UNC5D: variants seen among roughly 807,000 people sequenced by gnomAD.
UNC5D encodes unc-5 netrin receptor D.
A neutral mutation model predicts 105.4 loss-of-function variants in UNC5D; 39 were observed. That is an observed-to-expected ratio of 0.37 (90% CI 0.29 to 0.48). The LOEUF (loss-of-function observed/expected upper bound fraction) is 0.48, where lower values mean the gene tolerates loss of function less well. Among genes scored for constraint, UNC5D ranks in the 20% least tolerant of loss-of-function variants. The probability of loss-of-function intolerance (pLI) is 0.98; values close to 1 mark genes in which losing one functional copy is unlikely to be tolerated. For missense variants in UNC5D, 991 were observed against 1,202.4 expected, an observed-to-expected ratio of 0.82 and a Z score of 2.60; for synonymous variants, 452 against 450.4, an observed-to-expected ratio of 1.00 and a Z score of -0.04.
intron 1 of UNC5D, among the ~76,000 whole-genome samples, chr8:35,432,420 A>G (rs932488197): frequency 6.6e-6 from 1 of 152,148 alleles, no homozygotes; most frequent in South Asian, 2.1e-4. Flanking sequence ...CTTGTTTTAC[A>G]AAGTACCTCT....
At chr8:35,750,558 G>T in intron 12 of UNC5D, 24 bp from the exon 13 acceptor site, 1 of 1,607,784 alleles carries the variant, frequency 6.2e-7, no homozygotes, top group South Asian at 1.1e-5. Context: ...CCAAGTGAGA[G>T]AATAAACATA....
intron 4 of UNC5D, among the ~76,000 whole-genome samples, chr8:35,655,924 A>G (rs993805075): frequency 6.6e-6 from 1 of 152,230 alleles, no homozygotes; most frequent in African/African-American, 2.4e-5. Flanking sequence ...TTAGTCATGT[A>G]CTTATATAAA....
intron 7 of UNC5D, among the ~76,000 whole-genome samples, chr8:35,700,662 A>G (rs1218620310): frequency 6.6e-6 from 1 of 152,162 alleles, no homozygotes; most frequent in Non-Finnish European, 1.5e-5. Flanking sequence ...AGCCTGAACA[A>G]AAGCTTTGAG....
intron 4 of UNC5D, among the ~76,000 whole-genome samples, chr8:35,615,271 C>T (rs1820967187): frequency 6.6e-6 from 1 of 152,092 alleles, no homozygotes; most frequent in Non-Finnish European, 1.5e-5. Flanking sequence ...TTCCTCTTTT[C>T]TTTGTGCCTG....
chr8:35,467,572 C>CAAAAAAAAAA, intron 1 of UNC5D, among the ~76,000 whole-genome samples: 1 of 42,538 alleles, frequency 2.4e-5, no homozygotes, highest in Non-Finnish European at 5.5e-5. Flanking sequence ...CTATGACAGG[C>CAAAAAAAAAA]AAAAAAAAAA....
chr8:35,790,381 C>G lies in UNC5D; in HGVS notation c.2680C>G (p.Gln894Glu), dbSNP rs529738451. ...TAGGAATTTATCTTATTTCGCTACACAAAGTAGCCCATCTGCTGTCATTTT... is the reference window on the plus strand; with the variant it reads ...TAGGAATTTATCTTATTTCGCTACAGAAAGTAGCCCATCTGCTGTCATTTT... Reference protein sequence around the residue: ...INRNLSYFATQSSPSAVILNL... With the variant: ...INRNLSYFATESSPSAVILNL... Residue 894 changes from glutamine to glutamate, a missense_variant, in exon 17 of 17, where the codon CAA becomes GAA. Physicochemically the swap from Gln to Glu is conservative, Grantham distance 29 (BLOSUM62 2). Coordinates refer to ENST00000404895, the MANE Select transcript of UNC5D (RefSeq NM_080872.4). The G allele has an allele frequency of 6.2e-7, 1 of 1,613,846 alleles. No homozygotes were observed. Among genetic ancestry groups the G allele is most frequent in the Non-Finnish European group, 8.5e-7 (1 of 1,179,838 alleles).
intron 9 of UNC5D, chr8:35,724,232 GT>G: frequency 2.0e-6 from 3 of 1,529,192 alleles, no homozygotes; most frequent in Non-Finnish European, 2.6e-6. Flanking sequence ...TGACCATTTT[GT>G]TTTATTTTTA....
At chr8:35,399,603 G>T (rs562037698) in intron 1 of UNC5D, among the ~76,000 whole-genome samples, 2 of 152,264 alleles carry the variant, frequency 1.3e-5, no homozygotes, top group African/African-American at 2.4e-5. Context: ...TATGTCAAAA[G>T]TTAGTACACT....
rs192874605 is a variant in UNC5D at position 35,680,316 on chromosome 8, G to A, written c.571-3231G>A. On this transcript the variant is annotated intron_variant, in intron 4 of 16. Transcript: ENST00000404895. ...AGAGATTTTAATCTTGGCTATTTTG[G>A]TAGGAAACATATTGCTCTAACTTCT... is the stretch of plus-strand genomic sequence containing the variant. Among the ~76,000 whole-genome samples, 460 of 152,276 alleles carry A rather than the reference G, an allele frequency of 3.0e-3. 1 individual carries two copies. The highest frequency in any genetic ancestry group is 6.8e-3 in the Middle Eastern group (2 of 294).
In UNC5D at chr8:35,409,429, T is replaced by A. The variant is rs879670433; in HGVS notation, c.104-139863T>A. Among the ~76,000 whole-genome samples the A allele has an allele frequency of 8.9e-3, 1,354 of 152,158 alleles. 22 individuals are homozygous for A. Among genetic ancestry groups the A allele is most frequent in the South Asian group, 0.078 (377 of 4,812 alleles). On this transcript the variant is annotated intron_variant, in intron 1 of 16. Coordinates refer to ENST00000404895, the MANE Select transcript of UNC5D (RefSeq NM_080872.4). Reference sequence around the variant, plus strand: ...TGCTTTTGTTGTTGTTTGTTTGTTTTCATTTTATCCTTCTAATAGGTGGAT... The same window carrying A: ...TGCTTTTGTTGTTGTTTGTTTGTTTACATTTTATCCTTCTAATAGGTGGAT...
At chr8:35,256,374 T>G (rs2128816815) in intron 1 of UNC5D, 1 of 152,160 alleles carries the variant, frequency 6.6e-6, no homozygotes, top group African/African-American at 2.4e-5. Flanking sequence ...AACATGCAGG[T>G]TTTTACATAG....
intron 1 of UNC5D, among the ~76,000 whole-genome samples, chr8:35,275,097 A>G (rs1255643080): frequency 6.6e-6 from 1 of 151,364 alleles, no homozygotes; most frequent in East Asian, 1.9e-4. Flanking sequence ...TCTCAAAAAA[A>G]GAAAACAAAA....
chr8:35,355,563 C>T (rs1563339076), intron 1 of UNC5D, among the ~76,000 whole-genome samples: 2 of 152,138 alleles, frequency 1.3e-5, no homozygotes, highest in Non-Finnish European at 2.9e-5. Context: ...AGTGAAGTAT[C>T]CTCCAAGAAC....
chr8:35,505,562 G>A (rs753774416), intron 1 of UNC5D, among the ~76,000 whole-genome samples: 1 of 152,168 alleles, frequency 6.6e-6, no homozygotes, highest in African/African-American at 2.4e-5. Context: ...TGTGGCAAGG[G>A]TTTATGTAAA....
intron 1 of UNC5D, among the ~76,000 whole-genome samples, chr8:35,321,409 A>C (rs1277812898): frequency 6.6e-6 from 1 of 152,104 alleles, no homozygotes; most frequent in Non-Finnish European, 1.5e-5. Flanking sequence ...CGTGGTAGTG[A>C]GTGAGTCTCA....
rs141145831 is a variant in UNC5D at position 35,619,848 on chromosome 8, C to T, written c.570+24191C>T. On this transcript the variant is annotated intron_variant, in intron 4 of 16. Transcript: ENST00000404895. ...GCAAGTCCAGGTCTGTCTTTTCAAG[C>T]TCTTTTGTTCTTTCTACTGCACCTG... Among the ~76,000 whole-genome samples the T allele has an allele frequency of 2.2e-3, 341 of 152,324 alleles. 3 individuals carry two copies. The highest frequency in any genetic ancestry group is 7.3e-3 in the African/African-American group (305 of 41,580).
intron 3 of UNC5D, among the ~76,000 whole-genome samples, chr8:35,577,448 G>A (rs780882984): frequency 9.8e-5 from 15 of 152,298 alleles, no homozygotes; most frequent in South Asian, 8.3e-4. Context: ...GGAAAAGGAA[G>A]CAGCACCCCT....
At chr8:35,773,729 G>GT (rs1170918040) in intron 15 of UNC5D, among the ~76,000 whole-genome samples, 3 of 152,122 alleles carry the variant, frequency 2.0e-5, no homozygotes, top group African/African-American at 4.8e-5. Context: ...ATTTTGTTTT[G>GT]TTTTTTGTTT....
At chr8:35,272,417 G>A (rs1805474179) in intron 1 of UNC5D, among the ~76,000 whole-genome samples, 1 of 152,160 alleles carries the variant, frequency 6.6e-6, no homozygotes, top group African/African-American at 2.4e-5. Context: ...GGCTAGTAGA[G>A]GGAGAACTTC....
Sources: allele counts gnomAD v4.1 joint callset (sites outside exome capture counted in the v4.1 genomes callset), GRCh38; gene constraint gnomAD v4.1.1; transcripts MANE v1.5; gene names NCBI Gene and HGNC (gene_info 2026-07-23, HGNC 2026-07-21).